The following STK40 variants were observed in gnomAD, a reference collection of about 807,000 sequenced individuals.
STK40 encodes serine/threonine kinase 40, also known as serine/threonine-protein kinase 40.
A neutral mutation model predicts 47.9 loss-of-function variants in STK40; 13 were observed. That is an observed-to-expected ratio of 0.27 (90% CI 0.18 to 0.43). STK40 has a LOEUF of 0.43. STK40 is among the 20% of genes least tolerant of loss of function. The pLI, the probability that STK40 is intolerant of heterozygous loss-of-function variation, is 1.00. For synonymous variants in STK40, 225 were observed against 243.2 expected (o/e 0.93, Z 0.69); for missense variants, 460 against 595.1 (o/e 0.77, Z 2.36).
chr1:36,353,000 G>T (rs887665956), intron 6 of STK40, among the ~76,000 whole-genome samples: 3 of 152,182 alleles, frequency 2.0e-5, no homozygotes, highest in Admixed American at 6.5e-5. Context: ...GTTGAGATGG[G>T]GCACAAGGCA....
intron 1 of STK40, among the ~76,000 whole-genome samples, chr1:36,370,849 A>G (rs573783808): frequency 6.6e-6 from 1 of 151,812 alleles, no homozygotes; most frequent in Non-Finnish European, 1.5e-5. Flanking sequence ...TAGTATTTGC[A>G]TATAACCTGT....
rs369313811 is a variant in STK40, at chr1:36,356,519, A to G, written c.343-1086T>C. On this transcript the variant is annotated intron_variant, in intron 4 of 10. Transcript: ENST00000373132. Reference sequence around the variant, plus strand: ...CGGCTCACTGCAAGCTCTGCCTCCCAGGTTCATGCCATTCTCCTGCCTCAG... The same window carrying G: ...CGGCTCACTGCAAGCTCTGCCTCCCGGGTTCATGCCATTCTCCTGCCTCAG... Among the ~76,000 whole-genome samples the G allele has an allele frequency of 1.2e-4, 16 of 137,730 alleles. No individual in the cohort carries two copies. In the South Asian group the frequency reaches 2.0e-3, roughly 17 times the overall value. 90.4% of individuals were successfully genotyped at this position (137,730 alleles called of 152,430 possible).
intron 1 of STK40, among the ~76,000 whole-genome samples, chr1:36,369,070 C>T (rs1048751222): frequency 6.6e-5 from 10 of 152,184 alleles, no homozygotes; most frequent in African/African-American, 2.4e-4. Flanking sequence ...CTTGCAGTCT[C>T]ATATATGTTG....
At chr1:36,375,802 C>A (rs1399018732) in intron 1 of STK40, among the ~76,000 whole-genome samples, 1 of 152,098 alleles carries the variant, frequency 6.6e-6, no homozygotes, top group Non-Finnish European at 1.5e-5. Context: ...GGGTGGATCA[C>A]CTGAGGTCAG....
At chr1:36,371,585 AAC>A (rs1261256473) in intron 1 of STK40, among the ~76,000 whole-genome samples, 1 of 149,496 alleles carries the variant, frequency 6.7e-6, no homozygotes, top group East Asian at 2.0e-4. Context: ...GACAAGAAAA[AAC>A]AGTCTGGCTG....
rs1475713609 is a variant in STK40 at position 36,358,242 on chromosome 1, G to T, written c.339C>A (p.Phe113Leu). 6.3e-7 allele frequency: 1 copy of T among 1,584,216 alleles called. No individual in the cohort carries two copies. Among genetic ancestry groups the T allele is most frequent in the Non-Finnish European group, 8.6e-7 (1 of 1,156,348 alleles). Residue 113 changes from phenylalanine (F) to leucine (L), a missense_variant, in exon 4 of 11, where the codon TTC becomes TTA. Physicochemically the swap from Phe to Leu is conservative, Grantham distance 22. Coordinates refer to ENST00000373132, the MANE Select transcript of STK40 (RefSeq NM_001282547.2). ...QDGVVHHHGLFQDRTCEIVED... is the reference protein window; with the variant it reads ...QDGVVHHHGLLQDRTCEIVED... ...GGTGAGGGGGAAGGCCGCTCACCTG[G>T]AAGAGGCCGTGGTGGTGCACCACGC...
intron 1 of STK40, among the ~76,000 whole-genome samples, chr1:36,384,287 C>T (rs915345219): frequency 1.3e-5 from 2 of 152,210 alleles, no homozygotes; most frequent in Non-Finnish European, 2.9e-5. Context: ...GCCTCGGCTT[C>T]CCAAAGTGTT....
chr1:36,370,969 T>C (rs1431776467), intron 1 of STK40, among the ~76,000 whole-genome samples: 11 of 151,680 alleles, frequency 7.3e-5, no homozygotes, highest in Non-Finnish European at 1.5e-5. Context: ...CTCCGCCTCC[T>C]GGGTTCAAGT....
intron 1 of STK40, among the ~76,000 whole-genome samples, chr1:36,364,109 C>A (rs1646880117): frequency 6.6e-6 from 1 of 151,968 alleles, no homozygotes; most frequent in Non-Finnish European, 1.5e-5. Flanking sequence ...TGAGATCGCA[C>A]CACTGTACTC....
At chr1:36,357,578 G>T (rs1245624967) in intron 4 of STK40, among the ~76,000 whole-genome samples, 1 of 151,876 alleles carries the variant, frequency 6.6e-6, no homozygotes, top group African/African-American at 2.4e-5. Flanking sequence ...ATTTCAGTTT[G>T]TCCAGTAAAT....
intron 1 of STK40, among the ~76,000 whole-genome samples, chr1:36,372,029 A>G (rs530680561): frequency 1.3e-5 from 2 of 152,258 alleles, no homozygotes; most frequent in Non-Finnish European, 2.9e-5. Context: ...ATGTCTGTAC[A>G]TGTTTAGTCC....
intron 1 of STK40, among the ~76,000 whole-genome samples, chr1:36,368,935 G>A (rs1425291731): frequency 6.6e-6 from 1 of 152,180 alleles, no homozygotes; most frequent in African/African-American, 2.4e-5. Context: ...CATGAAGTCT[G>A]TAACTTACTC....
Position 36,343,865 on chromosome 1 carries a change from T to G in STK40, c.999A>C (p.Ala333=), listed in dbSNP as rs376119803. ...DVLEALSAII[A]SWQSLSSLSG... Reference sequence around the variant, plus strand: ...TCAAGTGCCTGTCCACTTACCATGATGCAATGATGGCACTGAGGGCCTCCA... The same window carrying G: ...TCAAGTGCCTGTCCACTTACCATGAGGCAATGATGGCACTGAGGGCCTCCA... Residue 333 remains alanine (A), a synonymous_variant, in exon 9 of 11, where the codon GCA becomes GCC. Transcript: ENST00000373132. 5.1e-5 allele frequency: 81 copies of G among 1,591,866 alleles called. No individual in the cohort carries two copies. The Admixed American group carries it at 1.4e-3, about 27-fold the overall frequency.
At chr1:36,342,068 C>A in intron 10 of STK40, 95 bp from the exon 11 acceptor site, 2 of 1,181,714 alleles carry the variant, frequency 1.7e-6, no homozygotes, top group South Asian at 1.5e-5. Flanking sequence ...GGCAGCCTGG[C>A]TCCTGCAGTC....
intron 1 of STK40, among the ~76,000 whole-genome samples, chr1:36,366,804 G>C (rs1309802877): frequency 6.6e-6 from 1 of 151,372 alleles, no homozygotes; most frequent in African/African-American, 2.4e-5. Context: ...CCGGAGCTTT[G>C]AATCTGTTAA....
intron 1 of STK40, among the ~76,000 whole-genome samples, chr1:36,365,098 T>C (rs1429019695): frequency 1.3e-5 from 2 of 152,008 alleles, no homozygotes; most frequent in African/African-American, 2.4e-5. Flanking sequence ...TTCAAGTGAT[T>C]CTCCTGCTCA....
chr1:36,356,425 T>TTC (rs1424412837), intron 4 of STK40, among the ~76,000 whole-genome samples: 2 of 140,804 alleles, frequency 1.4e-5, no homozygotes, highest in Non-Finnish European at 3.1e-5. Context: ...TTTCTTTTTT[T>TTC]TTTTTTTTTT....
In STK40 at chr1:36,344,163, C is replaced by T; in HGVS notation, c.841G>A (p.Glu281Lys). ...QFPFYDSIPQ[E>K]LFRKIKAAEY... ...GCAGCCTTGATCTTGCGGAAGAGCT[C>T]CTGCGGGATGCTGTCGTAGAAGGGG... Residue 281 changes from glutamate to lysine, a missense_variant, in exon 8 of 11, where the codon GAG becomes AAG. Glu to Lys is a moderately conservative substitution (Grantham distance 56). This residue lies in a region of STK40 where 181 missense variants were observed against 218.9 expected (regional missense o/e 0.83). Coordinates refer to ENST00000373132, the MANE Select transcript of STK40 (RefSeq NM_001282547.2). 2.5e-6 allele frequency: 4 copies of T among 1,612,914 alleles called. No individual in the cohort carries two copies. Among genetic ancestry groups the T allele is most frequent in the Non-Finnish European group, 3.4e-6 (4 of 1,179,580 alleles).
intron 1 of STK40, among the ~76,000 whole-genome samples, chr1:36,373,669 C>T (rs1443568293): frequency 1.3e-5 from 2 of 152,298 alleles, no homozygotes; most frequent in Non-Finnish European, 2.9e-5. Flanking sequence ...GACTCCCTGA[C>T]GACAAAGATT....
Sources: allele counts gnomAD v4.1 joint callset (sites outside exome capture counted in the v4.1 genomes callset), GRCh38; gene constraint gnomAD v4.1.1; regional missense constraint gnomAD v4.1.1; transcripts MANE v1.5; gene names NCBI Gene and HGNC (gene_info 2026-07-23, HGNC 2026-07-21).